INPP5A: variants seen among roughly 807,000 people sequenced by gnomAD.
The protein encoded by INPP5A is inositol polyphosphate-5-phosphatase A, also known as 43 kDa inositol polyphosphate 5-phophatase.
A neutral mutation model predicts 65.2 loss-of-function variants in INPP5A; 14 were observed. The ratio of observed to expected loss-of-function variants is 0.21; its 90% CI spans 0.14 to 0.34. INPP5A has a LOEUF of 0.34. Ranked by LOEUF, INPP5A falls within the 10% of genes least tolerant of loss-of-function variation. The pLI is 1.00. For missense variants in INPP5A, 431 were observed against 545.6 expected (o/e 0.79, Z 2.09); for synonymous variants, 207 against 208.3 (o/e 0.99, Z 0.05).
Position 132,628,723 on chromosome 10 carries a change from T to C in INPP5A, c.118-17145T>C, listed in dbSNP as rs563268437. Among the ~76,000 whole-genome samples, 48 of 152,338 alleles carry C rather than the reference T, an allele frequency of 3.2e-4. No homozygotes were observed. In the South Asian group the frequency reaches 9.3e-3, roughly 30 times the overall value. On this transcript the variant is annotated intron_variant, in intron 2 of 15. Transcript: ENST00000368594. ...TAACAATTTTTATAAAGAACTCTTATAAATGAAAGAGAACATGTAAAATTC... is the reference window on the plus strand; with the variant it reads ...TAACAATTTTTATAAAGAACTCTTACAAATGAAAGAGAACATGTAAAATTC...
At chr10:132,602,608 T>A (rs1472419173) in intron 1 of INPP5A, among the ~76,000 whole-genome samples, 1 of 152,172 alleles carries the variant, frequency 6.6e-6, no homozygotes, top group African/African-American at 2.4e-5. Context: ...TTTCTATCAA[T>A]TTTTTGGTGG....
rs2071116826 is a variant in INPP5A, at chr10:132,555,657, T to C, written c.75+17486T>C. On this transcript the variant is annotated intron_variant, in intron 1 of 15. Transcript: ENST00000368594. This position sits in a 1 kb window ranked among gnomAD's most constrained non-coding sequence, Gnocchi z 4.4. Reference sequence around the variant, plus strand: ...TCAGGGAGAGAGTTCAAGTGTATCCTAGCGTCTTGGAGAAAAATGGTCTAT... The same window carrying C: ...TCAGGGAGAGAGTTCAAGTGTATCCCAGCGTCTTGGAGAAAAATGGTCTAT... 6.6e-6 allele frequency among the ~76,000 whole-genome samples: 1 copy of C among 152,186 alleles called. No individual in the cohort carries two copies. The highest frequency in any genetic ancestry group is 2.4e-5 in the African/African-American group (1 of 41,434).
intron 1 of INPP5A, among the ~76,000 whole-genome samples, chr10:132,598,957 A>G (rs1461976614): frequency 5.3e-5 from 8 of 152,062 alleles, no homozygotes; most frequent in African/African-American, 1.9e-4. Context: ...GCAAAGACCA[A>G]CCCCCATGAT....
At chr10:132,713,193 CATGT>C (rs973735714) in intron 8 of INPP5A, among the ~76,000 whole-genome samples, 2 of 151,128 alleles carry the variant, frequency 1.3e-5, no homozygotes, top group East Asian at 2.0e-4. Context: ...GGTATGTGCA[CATGT>C]ATGTGTGTAG....
chr10:132,566,075 G>A (rs1228020002), intron 1 of INPP5A, among the ~76,000 whole-genome samples: 1 of 152,088 alleles, frequency 6.6e-6, no homozygotes, highest in Non-Finnish European at 1.5e-5. Flanking sequence ...CACATGTGTG[G>A]TCGTCCTTGG....
At position 132,627,487 on chromosome 10, in the gene INPP5A, T is replaced by C. The variant is rs113241215; in HGVS notation, c.118-18381T>C. Among the ~76,000 whole-genome samples, 1,240 of 152,296 alleles carry C rather than the reference T, an allele frequency of 8.1e-3. 15 individuals are homozygous for C. The highest frequency in any genetic ancestry group is 0.029 in the African/African-American group (1,189 of 41,550). On this transcript the variant is annotated intron_variant, in intron 2 of 15. Coordinates refer to ENST00000368594, the MANE Select transcript of INPP5A (RefSeq NM_005539.5). This position sits in a 1 kb window ranked among gnomAD's most constrained non-coding sequence, Gnocchi z 6.6. The stretch of plus-strand genomic sequence containing the variant: ...GCAGCTGTCCGCGGTGGCTGCCTCG[T>C]CCAGCAGCGTCCCTGCCAGAAGTGG...
At chr10:132,632,090 C>T (rs541068680) in intron 2 of INPP5A, among the ~76,000 whole-genome samples, 9 of 152,258 alleles carry the variant, frequency 5.9e-5, no homozygotes, top group Non-Finnish European at 1.0e-4. Flanking sequence ...TGGGGACACT[C>T]GGTCACATCT....
chr10:132,631,081 A>G (rs1009780402), intron 2 of INPP5A, among the ~76,000 whole-genome samples: 2 of 152,100 alleles, frequency 1.3e-5, no homozygotes, highest in Non-Finnish European at 2.9e-5. Context: ...ACCCCTCCCC[A>G]TGGTGGCCCA....
chr10:132,554,666 G>C (rs933230599), intron 1 of INPP5A, among the ~76,000 whole-genome samples: 3 of 150,972 alleles, frequency 2.0e-5, no homozygotes, highest in African/African-American at 7.3e-5. Flanking sequence ...GGGTAGTATA[G>C]GTGGCGTGGT....
Position 132,741,906 on chromosome 10 carries a change from G to A in INPP5A, c.733-7611G>A, listed in dbSNP as rs1023441575. 6.6e-6 allele frequency among the ~76,000 whole-genome samples: 1 copy of A among 152,282 alleles called. No individual in the cohort carries two copies. The highest frequency in any genetic ancestry group is 1.9e-4 in the East Asian group (1 of 5,160). On this transcript the variant is annotated intron_variant, in intron 9 of 15. Coordinates refer to ENST00000368594, the MANE Select transcript of INPP5A (RefSeq NM_005539.5). This position sits in a 1 kb window ranked among gnomAD's most constrained non-coding sequence, Gnocchi z 4.4. ...GCACCCACGAATGGCTTCTTTCCGA[G>A]ATGTGGCCGTCCTCTGCAGAAAGGA... is the stretch of plus-strand genomic sequence containing the variant.
chr10:132,568,465 C>G (rs1357763863), intron 1 of INPP5A, among the ~76,000 whole-genome samples: 1 of 152,102 alleles, frequency 6.6e-6, no homozygotes, highest in Non-Finnish European at 1.5e-5. Flanking sequence ...GTGGCTCACG[C>G]CTGTAATCCC....
rs1017039377 is a variant in INPP5A, at chr10:132,704,270, G to C, written c.475-4043G>C. ...CTGCCTCCCACTGTCACTAGTAGAG[G>C]GGCCTCACCCAGTTACTGTAGATTT... On this transcript the variant is annotated intron_variant, in intron 6 of 15. Coordinates refer to ENST00000368594, the MANE Select transcript of INPP5A (RefSeq NM_005539.5). This position sits in a 1 kb window ranked among gnomAD's most constrained non-coding sequence, Gnocchi z 4.5. Among the ~76,000 whole-genome samples, 2 of 152,168 alleles carry C rather than the reference G, an allele frequency of 1.3e-5. No homozygotes were observed. Among genetic ancestry groups the C allele is most frequent in the Non-Finnish European group, 2.9e-5 (2 of 68,032 alleles).
At chr10:132,548,158 G>C (rs1237021025) in intron 1 of INPP5A, among the ~76,000 whole-genome samples, 2 of 152,018 alleles carry the variant, frequency 1.3e-5, no homozygotes, top group African/African-American at 2.4e-5. Context: ...CGCATTATAG[G>C]TGTGAGCCAT....
intron 1 of INPP5A, among the ~76,000 whole-genome samples, chr10:132,577,522 A>G (rs1303390370): frequency 6.6e-6 from 1 of 152,190 alleles, no homozygotes; most frequent in Non-Finnish European, 1.5e-5. Flanking sequence ...CTTGAGGCCC[A>G]TCTTTTGGTG....
At chr10:132,569,552 C>T (rs2071312481) in intron 1 of INPP5A, among the ~76,000 whole-genome samples, 1 of 152,160 alleles carries the variant, frequency 6.6e-6, no homozygotes, top group Non-Finnish European at 1.5e-5. Context: ...GAGACGGGGT[C>T]TCAGTATGTT....
chr10:132,541,790 C>T (rs2070909574), intron 1 of INPP5A, among the ~76,000 whole-genome samples: 2 of 152,226 alleles, frequency 1.3e-5, no homozygotes, highest in South Asian at 4.1e-4. Context: ...GCCTCCTCAG[C>T]CCAGTCCTCC....
intron 1 of INPP5A, among the ~76,000 whole-genome samples, chr10:132,544,629 G>A (rs2070946919): frequency 6.6e-6 from 1 of 152,074 alleles, no homozygotes; most frequent in African/African-American, 2.4e-5. Context: ...AGGAAACCAC[G>A]TCTAAATCTT....
At chr10:132,584,861 T>A (rs1011658615) in intron 1 of INPP5A, among the ~76,000 whole-genome samples, 2 of 152,328 alleles carry the variant, frequency 1.3e-5, no homozygotes, top group East Asian at 1.9e-4. Context: ...GCCTCCCAAG[T>A]AGATGGGACT....
At chr10:132,668,661 AT>A (rs781004556) in intron 4 of INPP5A, among the ~76,000 whole-genome samples, 115 of 152,268 alleles carry the variant, frequency 7.6e-4, no homozygotes, top group Non-Finnish European at 1.1e-3. Flanking sequence ...TTAAACATGA[AT>A]TTGCACAGGG....
Sources: allele counts gnomAD v4.1 joint callset (sites outside exome capture counted in the v4.1 genomes callset), GRCh38; gene constraint gnomAD v4.1.1; non-coding constraint Gnocchi (gnomAD v3.1); transcripts MANE v1.5; gene names NCBI Gene and HGNC (gene_info 2026-07-23, HGNC 2026-07-21).